IL6ST: variants seen among roughly 807,000 people sequenced by gnomAD.
IL6ST encodes the protein interleukin-6 receptor subunit beta.
A neutral mutation model predicts 91.3 loss-of-function variants in IL6ST; 24 were observed. That is an observed-to-expected ratio of 0.26 (90% confidence interval 0.19 to 0.37). The LOEUF is 0.37. Among genes scored for constraint, IL6ST ranks in the 10% least tolerant of loss-of-function variants. The probability of loss-of-function intolerance (pLI) is 1.00; values close to 1 mark genes in which losing one functional copy is unlikely to be tolerated. For missense variants in IL6ST, 914 were observed against 1,078.5 expected (o/e 0.85, Z 2.14); for synonymous variants, 351 against 373.6 (o/e 0.94, Z 0.70).
Position 55,941,761 on chromosome 5 carries a change from A to G in IL6ST, c.2078T>C (p.Val693Ala). Reference sequence around the variant, plus strand: ...TTTGTCATTTGCTTCTATTTCCACAACACTTACATCAGTGAAATTGCCATC... The same window carrying G: ...TTTGTCATTTGCTTCTATTTCCACAGCACTTACATCAGTGAAATTGCCATC... ...YSDGNFTDVS[V>A]VEIEANDKKP... The change falls in exon 17 of 17, where the codon GTT becomes GCT. Residue 693 changes from valine (V) to alanine (A), a missense_variant. Val to Ala is a moderately conservative substitution (Grantham distance 64). Transcript: ENST00000381298. 2 of 1,613,776 alleles carry G rather than the reference A, an allele frequency of 1.2e-6. No individual in the cohort carries two copies. The highest frequency in any genetic ancestry group is 1.7e-6 in the Non-Finnish European group (2 of 1,179,688).
Position 55,941,219 on chromosome 5 carries a change from C to T in IL6ST, c.2620G>A (p.Ala874Thr). The change falls in exon 17 of 17, where the codon GCA becomes ACA. Residue 874 changes from alanine (A) to threonine (T), a missense_variant. Physicochemically the swap from Ala to Thr is moderately conservative, Grantham distance 58. Transcript: ENST00000381298. The part of the protein sequence containing the change: ...QMKMFQEVSA[A>T]DAFGPGTEGQ... Reference sequence around the variant, plus strand: ...TCAGTACCTGGACCAAAAGCATCTGCTGCAGAAACTTCCTGAAACATTTTC... The same window carrying T: ...TCAGTACCTGGACCAAAAGCATCTGTTGCAGAAACTTCCTGAAACATTTTC... The T allele has an allele frequency of 6.2e-7, 1 of 1,614,180 alleles. No homozygotes were observed. Among genetic ancestry groups the T allele is most frequent in the Non-Finnish European group, 8.5e-7 (1 of 1,180,000 alleles).
chr5:55,942,481 T>C (rs1219503477), intron 16 of IL6ST, among the ~76,000 whole-genome samples, 189 bp downstream of exon 16: 4 of 152,344 alleles, frequency 2.6e-5, no homozygotes, highest in South Asian at 4.1e-4. Context: ...AAATATGTCA[T>C]ACATATTAAA....
At chr5:55,967,080 G>A (rs1752673646) in intron 5 of IL6ST, among the ~76,000 whole-genome samples, 1 of 151,810 alleles carries the variant, frequency 6.6e-6, no homozygotes, top group African/African-American at 2.4e-5. Context: ...GGGAGGCAGA[G>A]GCAGCCAGAT....
chr5:55,982,274 G>A (rs548800460), intron 2 of IL6ST, among the ~76,000 whole-genome samples: 1 of 152,118 alleles, frequency 6.6e-6, no homozygotes, highest in East Asian at 1.9e-4. Context: ...ATGTGAAAAA[G>A]AATGTCAATA....
At chr5:55,949,769 A>G (rs1751504053) in intron 14 of IL6ST, among the ~76,000 whole-genome samples, 1 of 152,206 alleles carries the variant, frequency 6.6e-6, no homozygotes, top group African/African-American at 2.4e-5. Flanking sequence ...GTAGTCACTC[A>G]TTCATTTATT....
At chr5:55,942,537 T>G in intron 16 of IL6ST, 133 bp downstream of exon 16, 1 of 525,124 alleles carries the variant, frequency 1.9e-6, no homozygotes. Flanking sequence ...CTTCATTTAC[T>G]TTTTGATTCA....
Position 55,940,029 on chromosome 5 carries a change from TAAAA to T in IL6ST, c.*1049_*1052del, listed in dbSNP as rs57519121. On this transcript the variant is annotated 3_prime_UTR_variant, in exon 17 of 17. Coordinates refer to ENST00000381298, the MANE Select transcript of IL6ST (RefSeq NM_002184.4). ...AAATCTTTGCCTACTTATTTAAAAATAAAAAAAATACTCAAAACAAATTTAAGCT... is the reference window on the plus strand; with the variant it reads ...AAATCTTTGCCTACTTATTTAAAAATAAAATACTCAAAACAAATTTAAGCT... 13,531 of 197,262 alleles carry T rather than the reference TAAAA, an allele frequency of 0.069. 1,880 individuals carry two copies. Among genetic ancestry groups the T allele is most frequent in the African/African-American group, 0.29 (12,621 of 43,314 alleles). The allele number at this position is 197,262 out of a possible 1,614,324, so 12.2% of individuals were successfully genotyped here.
At chr5:55,983,573 G>A (rs1396996707) in intron 1 of IL6ST, among the ~76,000 whole-genome samples, 1 of 151,950 alleles carries the variant, frequency 6.6e-6, no homozygotes, top group African/African-American at 2.4e-5. Context: ...TCAAACTTAG[G>A]CAAGGAGTTG....
chr5:55,937,152 C>T lies in IL6ST; in HGVS notation c.*3930G>A. ...ATAAAAGAACATCATTCAGACAAAG[C>T]CTGTGTTCAAGAAATAAAAAAAACA... On this transcript the variant is annotated 3_prime_UTR_variant, in exon 17 of 17. Transcript: ENST00000381298. 1 of 210,530 alleles carries T rather than the reference C, an allele frequency of 4.7e-6. No individual in the cohort carries two copies. Among genetic ancestry groups the T allele is most frequent in the Non-Finnish European group, 9.6e-6 (1 of 103,898 alleles). 13.0% of individuals were successfully genotyped at this position (210,530 alleles called of 1,614,324 possible).
At chr5:55,968,519 T>C in intron 4 of IL6ST, 123 bp from the exon 5 acceptor site, 2 of 817,854 alleles carry the variant, frequency 2.4e-6, no homozygotes, top group East Asian at 5.3e-5. Flanking sequence ...AAGCAAAAAG[T>C]ATGGACACAA....
chr5:55,943,205 C>A lies in IL6ST; in HGVS notation c.1938-454G>T, dbSNP rs1358628825. Among the ~76,000 whole-genome samples the A allele has an allele frequency of 5.9e-5, 9 of 152,018 alleles. No homozygotes were observed. The East Asian group carries it at 1.7e-3, about 29-fold the overall frequency. Reference sequence around the variant, plus strand: ...AGTGAGAGCCTACCAGACTGACTCTCCTGTAGGAAATACCTATAACATTTG... The same window carrying A: ...AGTGAGAGCCTACCAGACTGACTCTACTGTAGGAAATACCTATAACATTTG... On this transcript the variant is annotated intron_variant, in intron 15 of 16. Coordinates refer to ENST00000381298, the MANE Select transcript of IL6ST (RefSeq NM_002184.4).
intron 11 of IL6ST, among the ~76,000 whole-genome samples, chr5:55,953,241 T>A (rs1211681748): frequency 6.6e-6 from 1 of 152,224 alleles, no homozygotes; most frequent in African/African-American, 2.4e-5. Context: ...CATGCTCCTT[T>A]ACCTTCTTAA....
intron 16 of IL6ST, 98 bp downstream of exon 16, chr5:55,942,572 C>T: frequency 5.3e-6 from 3 of 566,840 alleles, no homozygotes; most frequent in South Asian, 2.7e-5. Context: ...TCTTTTGGTA[C>T]ATTTGTAGAT....
At position 55,969,586 on chromosome 5, in the gene IL6ST, C is replaced by T. The variant is rs1752837888; in HGVS notation, c.334G>A (p.Glu112Lys). The change falls in exon 4 of 17, where the codon GAA becomes AAA. Residue 112 changes from glutamate (E) to lysine (K), a missense_variant. Physicochemically the swap from Glu to Lys is moderately conservative, Grantham distance 56. Transcript: ENST00000381298. ...ATTGTGATTCCATAAACATTCTGTT[C>T]AAGCTGTCCGAATGTAAGAATGTTG... ...TCNILTFGQL[E>K]QNVYGITIIS... 1 of 1,612,848 alleles carries T rather than the reference C, an allele frequency of 6.2e-7. No individual in the cohort carries two copies. Among genetic ancestry groups the T allele is most frequent in the African/African-American group, 1.3e-5 (1 of 74,882 alleles).
At chr5:55,949,993 G>A (rs1001221360) in intron 14 of IL6ST, among the ~76,000 whole-genome samples, 8 of 152,152 alleles carry the variant, frequency 5.3e-5, no homozygotes, top group Non-Finnish European at 1.2e-4. Flanking sequence ...GACCTCACTG[G>A]GGGCAATGCA....
At chr5:55,974,974 C>T (rs1753198673) in intron 3 of IL6ST, among the ~76,000 whole-genome samples, 2 of 151,856 alleles carry the variant, frequency 1.3e-5, no homozygotes, top group South Asian at 4.2e-4. Flanking sequence ...CACACACACA[C>T]ACACACACGT....
At chr5:55,981,508 T>TG (rs1172156568) in intron 2 of IL6ST, among the ~76,000 whole-genome samples, 2 of 152,128 alleles carry the variant, frequency 1.3e-5, no homozygotes, top group South Asian at 2.1e-4. Context: ...CCGGGCATGG[T>TG]GGCGCACACC....
At chr5:55,943,743 T>C (rs148677737) in intron 15 of IL6ST, among the ~76,000 whole-genome samples, 18 of 151,928 alleles carry the variant, frequency 1.2e-4, no homozygotes, top group Non-Finnish European at 1.9e-4. Context: ...AAATAAGAAC[T>C]TCCCCCCTGC....
intron 1 of IL6ST, among the ~76,000 whole-genome samples, chr5:55,984,743 T>C (rs933589941): frequency 1.3e-5 from 2 of 152,168 alleles, no homozygotes; most frequent in East Asian, 1.9e-4. Flanking sequence ...ATTTTAGGAT[T>C]TGGGATGCTT....
Sources: allele counts gnomAD v4.1 joint callset (sites outside exome capture counted in the v4.1 genomes callset), GRCh38; gene constraint gnomAD v4.1.1; transcripts MANE v1.5; gene names NCBI Gene and HGNC (gene_info 2026-07-23, HGNC 2026-07-21).